The following CALD1 variants were observed in gnomAD, a reference collection of about 807,000 sequenced individuals.
CALD1 encodes the protein caldesmon 1, also known as caldesmon.
A neutral mutation model predicts 99.9 loss-of-function variants in CALD1; 33 were observed. That is an observed-to-expected ratio of 0.33 (90% CI 0.25 to 0.44). The LOEUF (loss-of-function observed/expected upper bound fraction) is 0.44, where lower values mean the gene tolerates loss of function less well. Among genes scored for constraint, CALD1 ranks in the 20% least tolerant of loss-of-function variants. The pLI, the probability that CALD1 is intolerant of heterozygous loss-of-function variation, is 1.00. For missense variants in CALD1, 861 were observed against 962.1 expected (o/e 0.89, Z 1.39); for synonymous variants, 310 against 325.0 (o/e 0.95, Z 0.50).
chr7:134,919,643 G>A (rs1358384600), intron 3 of CALD1, among the ~76,000 whole-genome samples: 5 of 152,122 alleles, frequency 3.3e-5, no homozygotes, highest in African/African-American at 1.2e-4. Flanking sequence ...AGATGGGGTG[G>A]GAGAATGGGG....
chr7:134,894,041 T>C (rs776009595), intron 3 of CALD1, among the ~76,000 whole-genome samples: 1 of 152,128 alleles, frequency 6.6e-6, no homozygotes, highest in East Asian at 1.9e-4. Context: ...AGATATGCAT[T>C]TGTGTCTGGT....
At chr7:134,778,209 T>C (rs751858827), upstream of CALD1, among the ~76,000 whole-genome samples, 2 of 152,202 alleles carry the variant, frequency 1.3e-5, no homozygotes, top group African/African-American at 2.4e-5. Context: ...AGAGTTGATA[T>C]GGATGCCTCT....
At chr7:134,956,197 A>G (rs1234461882) in intron 9 of CALD1, among the ~76,000 whole-genome samples, 1 of 152,136 alleles carries the variant, frequency 6.6e-6, no homozygotes, top group Non-Finnish European at 1.5e-5. Context: ...ACTAGTATCT[A>G]TAAAACTGTT....
chr7:134,867,040 G>A (rs998106368), intron 2 of CALD1: 4 of 152,190 alleles, frequency 2.6e-5, no homozygotes, highest in African/African-American at 9.7e-5. Context: ...CACAGAGGAG[G>A]TAGGAAAGGG....
intron 2 of CALD1, chr7:134,866,794 A>G (rs773381042): frequency 6.6e-6 from 1 of 152,232 alleles, no homozygotes; most frequent in South Asian, 2.1e-4. Context: ...CACAGGAAAC[A>G]ATCTTCAAGC....
intron 3 of CALD1, among the ~76,000 whole-genome samples, chr7:134,921,931 A>G (rs1319210196): frequency 1.3e-5 from 2 of 152,234 alleles, no homozygotes; most frequent in Non-Finnish European, 2.9e-5. Flanking sequence ...AAAATGAAAG[A>G]ACCCAAAATG....
At chr7:134,923,378 C>T (rs1014441517) in intron 3 of CALD1, among the ~76,000 whole-genome samples, 2 of 152,178 alleles carry the variant, frequency 1.3e-5, no homozygotes, top group African/African-American at 4.8e-5. Context: ...CAATAAAATG[C>T]ATTTGATTTA....
chr7:134,968,207 C>G (rs1419993653), intron 14 of CALD1, 133 bp from the exon 15 acceptor site: 1 of 755,820 alleles, frequency 1.3e-6, no homozygotes, highest in Non-Finnish European at 2.4e-6. Context: ...ATAATCCTCC[C>G]TTTCATAAAT....
At chr7:134,739,566 A>T (rs1796576146), upstream of CALD1, among the ~76,000 whole-genome samples, 1 of 152,156 alleles carries the variant, frequency 6.6e-6, no homozygotes, top group Admixed American at 6.5e-5. Context: ...ACTGATGTGC[A>T]CTACTCCCAG....
Position 134,941,096 on chromosome 7 carries a change from A to G in CALD1, c.1391A>G (p.Lys464Arg), listed in dbSNP as rs1435780512. 3.7e-6 allele frequency: 6 copies of G among 1,606,092 alleles called. No homozygotes were observed. The Admixed American group carries it at 5.2e-5, about 14-fold the overall frequency. Residue 464 changes from lysine (K) to arginine (R), a missense_variant, in exon 7 of 15, where the codon AAA (lysine) becomes AGA (arginine). Lys to Arg is a conservative substitution (Grantham distance 26). Around this residue, in one of 5 missense-constraint regions of CALD1, gnomAD observed 293 missense variants for 262.7 expected, o/e 1.12. Transcript: ENST00000361675. The stretch of plus-strand genomic sequence containing the variant: ...CTGATATGTACTGTTGGTTAGATCA[A>G]AGATGAAAAGATTAAAAAGGACAAA... ...DKPTFKKEEI[K>R]DEKIKKDKEP...
In CALD1 at chr7:134,772,938, G is replaced by T. The variant is rs887905250; in HGVS notation, c.-130+28575G>T. On this transcript the variant is annotated intron_variant, in intron 1 of 13. Coordinates refer to the CALD1 transcript ENST00000417172. ...CCTCTATCCTGGGTTTGCATTCTCTGTTTCCTGATTTTTGTCCTCCTTCTT... is the reference window on the plus strand; with the variant it reads ...CCTCTATCCTGGGTTTGCATTCTCTTTTTCCTGATTTTTGTCCTCCTTCTT... 5.3e-5 allele frequency among the ~76,000 whole-genome samples: 8 copies of T among 152,106 alleles called. No homozygotes were observed. The East Asian group carries it at 7.7e-4, about 15-fold the overall frequency.
At chr7:134,864,811 G>C (rs1800730907) in intron 2 of CALD1, among the ~76,000 whole-genome samples, 1 of 152,104 alleles carries the variant, frequency 6.6e-6, no homozygotes, top group Admixed American at 6.5e-5. Flanking sequence ...CATATCCATA[G>C]GTAATGACAT....
In CALD1 at chr7:134,801,334, T is replaced by A. The variant is rs537396703; in HGVS notation, c.-130+21585T>A. On this transcript the variant is annotated intron_variant, in intron 1 of 14. Coordinates refer to ENST00000361675, the MANE Select transcript of CALD1 (RefSeq NM_033138.4). The stretch of plus-strand genomic sequence containing the variant: ...AAACCTTGACAAATTCATTTTTTTT[T>A]AAAACAGCCAATTGTTACAATAATC... 6.9e-3 allele frequency among the ~76,000 whole-genome samples: 1,056 copies of A among 152,296 alleles called. 18 individuals carry two copies. Among genetic ancestry groups the A allele is most frequent in the African/African-American group, 0.024 (981 of 41,558 alleles).
chr7:134,736,290 A>T, the CALD1 span, among the ~76,000 whole-genome samples: 35 of 143,238 alleles, frequency 2.4e-4, no homozygotes, highest in Non-Finnish European at 4.2e-4. Context: ...CTCATGATAG[A>T]GGCTTGAGGT....
At chr7:134,895,593 G>A (rs888292471) in intron 3 of CALD1, among the ~76,000 whole-genome samples, 4 of 151,876 alleles carry the variant, frequency 2.6e-5, no homozygotes, top group African/African-American at 9.7e-5. Flanking sequence ...TCATGGTCCC[G>A]CTCCCTGTTC....
chr7:134,754,011 A>T (rs545630105), intron 1 of CALD1, among the ~76,000 whole-genome samples: 9 of 152,284 alleles, frequency 5.9e-5, no homozygotes, highest in African/African-American at 2.2e-4. Flanking sequence ...GAGGCTGGGG[A>T]CATCTCCACA....
chr7:134,934,199 G>A, intron 5 of CALD1, 122 bp downstream of exon 5: 1 of 1,448,188 alleles, frequency 6.9e-7, no homozygotes, highest in Non-Finnish European at 9.3e-7. Context: ...TTGGCAAGCT[G>A]TTCATTTTTT....
At chr7:134,865,369 G>A (rs186695879) in intron 2 of CALD1, among the ~76,000 whole-genome samples, 4 of 151,744 alleles carry the variant, frequency 2.6e-5, no homozygotes, top group East Asian at 1.9e-4. Context: ...ACACACCACC[G>A]AGAGTCATAC....
At chr7:134,732,416 T>C in the CALD1 span, among the ~76,000 whole-genome samples, 1 of 152,172 alleles carries the variant, frequency 6.6e-6, no homozygotes, top group African/African-American at 2.4e-5. Context: ...TTGGGGGCGA[T>C]TAAGCCATGA....
Sources: gnomAD v4.1 joint callset for allele counts (sites outside exome capture counted in the v4.1 genomes callset) on GRCh38, gnomAD v4.1.1 for gene constraint, gnomAD v4.1.1 regional missense constraint, MANE v1.5 for transcripts, NCBI Gene and HGNC (gene_info 2026-07-23, HGNC 2026-07-21) for gene names.